ROBO2: variants seen among roughly 807,000 people sequenced by gnomAD.
ROBO2 encodes roundabout homolog 2.
In ROBO2, 53 loss-of-function variants were observed where a neutral mutation model predicts 160.8. That is an observed-to-expected ratio of 0.33 (90% confidence interval 0.26 to 0.41). The LOEUF is 0.41. Among genes scored for constraint, ROBO2 ranks in the 10% least tolerant of loss-of-function variants. The pLI, the probability that ROBO2 is intolerant of heterozygous loss-of-function variation, is 1.00. For synonymous variants in ROBO2, 664 were observed against 611.7 expected, an observed-to-expected ratio of 1.09 and a Z score of -1.26; for missense variants, 1,577 against 1,722.4, an observed-to-expected ratio of 0.92 and a Z score of 1.49.
intron 2 of ROBO2, among the ~76,000 whole-genome samples, chr3:76,503,887 G>C (rs892204180): frequency 5.3e-5 from 8 of 152,130 alleles, no homozygotes; most frequent in African/African-American, 1.9e-4. Flanking sequence ...TAAAAGTTTG[G>C]CTTTCAAATA....
intron 2 of ROBO2, among the ~76,000 whole-genome samples, chr3:76,219,149 T>C (rs1001063126): frequency 1.3e-5 from 2 of 152,184 alleles, no homozygotes. Flanking sequence ...TTACACCTTA[T>C]ACAAAAATTA....
chr3:76,454,792 T>C (rs1436505971), intron 2 of ROBO2, among the ~76,000 whole-genome samples: 1 of 152,132 alleles, frequency 6.6e-6, no homozygotes, highest in South Asian at 2.1e-4. Context: ...GGAATATCCA[T>C]AGAATGTGTA....
At chr3:76,572,835 C>T (rs944171233) in intron 2 of ROBO2, among the ~76,000 whole-genome samples, 1 of 152,164 alleles carries the variant, frequency 6.6e-6, no homozygotes, top group Non-Finnish European at 1.5e-5. Flanking sequence ...TTTCCATAGA[C>T]TTTGTCCATC....
chr3:75,984,312 G>T lies in ROBO2; in HGVS notation c.109+46710G>T, dbSNP rs74363451. Reference sequence around the variant, plus strand: ...TTTTGAAATAACCAGTATGGTAAGAGTAAAATGCCCGTGATGGTAGTTTAT... The same window carrying T: ...TTTTGAAATAACCAGTATGGTAAGATTAAAATGCCCGTGATGGTAGTTTAT... On this transcript the variant is annotated intron_variant, in intron 2 of 26. Coordinates refer to the ROBO2 transcript ENST00000487694. 2.1e-3 allele frequency among the ~76,000 whole-genome samples: 319 copies of T among 151,640 alleles called. 8 individuals carry two copies. In the East Asian group the frequency reaches 0.053, roughly 25 times the overall value.
At chr3:76,834,008 T>TCTTCC (rs2067319803) in intron 2 of ROBO2, among the ~76,000 whole-genome samples, 2 of 126,340 alleles carry the variant, frequency 1.6e-5, no homozygotes, top group African/African-American at 2.8e-5. Flanking sequence ...CTTCTTTCTT[T>TCTTCC]CTTTCCTTTC....
At chr3:76,820,347 A>G (rs1201829077) in intron 2 of ROBO2, among the ~76,000 whole-genome samples, 3 of 152,058 alleles carry the variant, frequency 2.0e-5, no homozygotes, top group Non-Finnish European at 4.4e-5. Context: ...TTCTACTTGA[A>G]TCAATATGAA....
chr3:77,484,424 A>C (rs944655820), intron 4 of ROBO2, among the ~76,000 whole-genome samples: 1 of 151,952 alleles, frequency 6.6e-6, no homozygotes, highest in Non-Finnish European at 1.5e-5. Flanking sequence ...ATACACGAAA[A>C]CTTATTTTAT....
At chr3:77,194,521 A>G (rs116812203) in intron 2 of ROBO2, among the ~76,000 whole-genome samples, 4,403 of 152,290 alleles carry the variant, frequency 0.029, 104 homozygotes, top group South Asian at 0.089. Context: ...CAGAAAAATG[A>G]GTTCATTTAT....
chr3:77,038,057 T>A, upstream of ROBO2, among the ~76,000 whole-genome samples: 1 of 152,218 alleles, frequency 6.6e-6, no homozygotes, highest in East Asian at 1.9e-4. Context: ...TTTTAATTAC[T>A]TTCCTTTTCC....
In ROBO2 at chr3:77,131,425, C is replaced by G. The variant is rs142823337; in HGVS notation, c.388+33085C>G. Among the ~76,000 whole-genome samples the G allele has an allele frequency of 2.7e-3, 407 of 152,256 alleles. 2 individuals are homozygous for G. The highest frequency in any genetic ancestry group is 9.4e-3 in the African/African-American group (389 of 41,550). ...ACTCATATCTAGCATGTTTTTCATA[C>G]AGATTACTTGGCTGTATCCAGGTGG... is the stretch of plus-strand genomic sequence containing the variant. On this transcript the variant is annotated intron_variant, in intron 2 of 25. Transcript: ENST00000461745.
intron 2 of ROBO2, among the ~76,000 whole-genome samples, chr3:76,253,698 AG>A (rs1454025098): frequency 6.6e-6 from 1 of 151,538 alleles, no homozygotes; most frequent in Non-Finnish European, 1.5e-5. Context: ...TTACAGAAAA[AG>A]GTAAGTATTA....
intron 2 of ROBO2, among the ~76,000 whole-genome samples, chr3:76,708,115 A>G (rs2107561144): frequency 6.6e-6 from 1 of 152,274 alleles, no homozygotes; most frequent in African/African-American, 2.4e-5. Context: ...TATATCTCTG[A>G]AATTGCTGTC....
At chr3:76,963,861 A>G (rs1364022073) in intron 2 of ROBO2, among the ~76,000 whole-genome samples, 1 of 151,328 alleles carries the variant, frequency 6.6e-6, no homozygotes, top group African/African-American at 2.4e-5. Flanking sequence ...AAAAAAAAGA[A>G]AAAAGAAATA....
At chr3:77,231,422 C>A (rs540026584) in intron 2 of ROBO2, among the ~76,000 whole-genome samples, 89 of 148,634 alleles carry the variant, frequency 6.0e-4, no homozygotes, top group Non-Finnish European at 1.2e-3. Flanking sequence ...AAAATAAAAG[C>A]CTCATATTAT....
chr3:76,923,529 T>A (rs984597029), intron 2 of ROBO2, among the ~76,000 whole-genome samples: 10 of 152,244 alleles, frequency 6.6e-5, no homozygotes, highest in African/African-American at 2.4e-4. Context: ...AACTGAAGGA[T>A]GTGACCACAC....
At chr3:77,486,766 C>CT (rs371639947) in intron 4 of ROBO2, among the ~76,000 whole-genome samples, 3 of 151,818 alleles carry the variant, frequency 2.0e-5, no homozygotes, top group African/African-American at 4.8e-5. Context: ...TTTAATAACA[C>CT]TTTTTTTTAA....
chr3:76,332,285 TTA>T lies in ROBO2; in HGVS notation c.109+394685_109+394686del, dbSNP rs1292109231. 6.6e-5 allele frequency among the ~76,000 whole-genome samples: 10 copies of T among 152,268 alleles called. No homozygotes were observed. In the South Asian group the frequency reaches 1.0e-3, roughly 16 times the overall value. ...TAATATTGTATAACACCAATTTGCT[TTA>T]TGTTTTCTTCAAGTTGTGTATGTGA... On this transcript the variant is annotated intron_variant, in intron 2 of 26. Transcript: ENST00000487694.
At chr3:77,211,548 C>T (rs374809755) in intron 2 of ROBO2, among the ~76,000 whole-genome samples, 16 of 151,980 alleles carry the variant, frequency 1.1e-4, no homozygotes, top group Non-Finnish European at 1.8e-4. Flanking sequence ...GATGGTAGTT[C>T]CTTTTGCTGT....
intron 2 of ROBO2, among the ~76,000 whole-genome samples, chr3:76,464,490 C>T (rs922978645): frequency 6.6e-6 from 1 of 152,034 alleles, no homozygotes; most frequent in African/African-American, 2.4e-5. Flanking sequence ...CACTCTCTCT[C>T]TAGGAACTCC....
Sources: allele counts gnomAD v4.1 joint callset (sites outside exome capture counted in the v4.1 genomes callset), GRCh38; gene constraint gnomAD v4.1.1; transcripts MANE v1.5; gene names NCBI Gene and HGNC (gene_info 2026-07-23, HGNC 2026-07-21).